CORO1C: variants seen among roughly 807,000 people sequenced by gnomAD.
CORO1C encodes coronin 1C, also known as coronin-1C.
CORO1C carries 14 observed loss-of-function variants against 51.2 expected under a neutral mutation model. That is an observed-to-expected ratio of 0.27 (90% CI 0.18 to 0.43). CORO1C has a LOEUF of 0.43. Among genes scored for constraint, CORO1C ranks in the 20% least tolerant of loss-of-function variants. The pLI is 1.00. For missense variants in CORO1C, 417 were observed against 607.8 expected, an observed-to-expected ratio of 0.69 and a Z score of 3.30; for synonymous variants, 181 against 210.5, an observed-to-expected ratio of 0.86 and a Z score of 1.21.
chr12:108,652,150 T>C, intron 8 of CORO1C, 122 bp downstream of exon 8: 1 of 779,018 alleles, frequency 1.3e-6, no homozygotes, highest in Non-Finnish European at 2.0e-6. Flanking sequence ...TGTACAATTC[T>C]ACTACTTTCT....
chr12:108,717,553 A>G (rs575427083), intron 1 of CORO1C, among the ~76,000 whole-genome samples: 1 of 152,346 alleles, frequency 6.6e-6, no homozygotes, highest in South Asian at 2.1e-4. Context: ...TCACAGTCCC[A>G]GTAGAAACAG....
intron 3 of CORO1C, among the ~76,000 whole-genome samples, chr12:108,667,754 A>G (rs2033541771): frequency 6.6e-6 from 1 of 152,150 alleles, no homozygotes; most frequent in African/African-American, 2.4e-5. Context: ...AAGTGAATCC[A>G]TCAGTAAAAT....
chr12:108,668,476 T>C (rs2033581735), intron 3 of CORO1C: 1 of 152,230 alleles, frequency 6.6e-6, no homozygotes, highest in Admixed American at 6.5e-5. Flanking sequence ...AAAAATTGTC[T>C]AGCAGGTTTT....
chr12:108,671,973 G>C (rs748795834), intron 3 of CORO1C, among the ~76,000 whole-genome samples: 2 of 152,130 alleles, frequency 1.3e-5, no homozygotes, highest in Non-Finnish European at 2.9e-5. Flanking sequence ...ATGTTGCCCA[G>C]GCTGGTCTTG....
intron 1 of CORO1C, among the ~76,000 whole-genome samples, chr12:108,714,375 G>A (rs1326812641): frequency 7.5e-6 from 1 of 132,558 alleles, no homozygotes; most frequent in East Asian, 2.5e-4. Context: ...CTGCAGCCTG[G>A]CAACAGAGCG....
intron 3 of CORO1C, among the ~76,000 whole-genome samples, chr12:108,676,666 G>C (rs968939887): frequency 6.6e-6 from 1 of 151,922 alleles, no homozygotes; most frequent in African/African-American, 2.4e-5. Flanking sequence ...CAGCTACTCG[G>C]GAGGCTGAGG....
At chr12:108,701,514 G>A in intron 1 of CORO1C, 191 bp from the exon 2 acceptor site, 1 of 728,662 alleles carries the variant, frequency 1.4e-6, no homozygotes, top group Non-Finnish European at 2.2e-6. Context: ...AAATGCGTCA[G>A]GGAAAGAATT....
chr12:108,662,135 T>C lies in CORO1C; in HGVS notation c.342A>G (p.Gly114=). 6.2e-7 allele frequency: 1 copy of C among 1,613,718 alleles called. No homozygotes were observed. Among genetic ancestry groups the C allele is most frequent in the Non-Finnish European group, 8.5e-7 (1 of 1,179,730 alleles). Residue 114 remains glycine, a synonymous_variant, in exon 4 of 11, where the codon GGA becomes GGG. Coordinates refer to ENST00000261401, the MANE Select transcript of CORO1C (RefSeq NM_014325.4). ...TVMVWQIPEN[G]LTLSLTEPVV... is the part of the protein sequence containing the mutation. ...CAGGTTCAGTCAGGGAAAGGGTGAG[T>C]CCATTTTCTGGGATCTGCCATACCT...
intron 3 of CORO1C, among the ~76,000 whole-genome samples, chr12:108,665,686 G>A (rs1255168629): frequency 6.6e-6 from 1 of 152,190 alleles, no homozygotes; most frequent in Non-Finnish European, 1.5e-5. Flanking sequence ...CCTGCGAGGT[G>A]TGCTAAGAGA....
Position 108,647,328 on chromosome 12 carries a change from A to G in CORO1C, c.*75T>C. 9 of 1,504,592 alleles carry G rather than the reference A, an allele frequency of 6.0e-6. No individual in the cohort carries two copies. Among genetic ancestry groups the G allele is most frequent in the Non-Finnish European group, 6.4e-6 (7 of 1,102,000 alleles). The allele number at this position is 1,504,592 out of a possible 1,614,324, so 93.2% of individuals were successfully genotyped here. A position where few individuals can be genotyped will look rare whatever the true frequency, so the allele number is the denominator to read the frequency against. On this transcript the variant is annotated 3_prime_UTR_variant, in exon 11 of 11. Coordinates refer to ENST00000261401, the MANE Select transcript of CORO1C (RefSeq NM_014325.4). The stretch of plus-strand genomic sequence containing the variant: ...CAGTGCCTCCCTTTCCGCCCTCCCT[A>G]GGACCACACCAATAACCAGCTCCCA...
Position 108,662,148 on chromosome 12 carries a change from A to T in CORO1C, c.329T>A (p.Ile110Asn). ...SEDCTVMVWQ[I>N]PENGLTLSLT... ...GGAAAGGGTGAGTCCATTTTCTGGG[A>T]TCTGCCATACCTGTTGGACAAGGAA... Residue 110 changes from isoleucine to asparagine, a missense_variant, in exon 4 of 11, where the codon ATC (isoleucine) becomes AAC (asparagine). Transcript: ENST00000261401. The T allele has an allele frequency of 6.2e-7, 1 of 1,613,802 alleles. No individual in the cohort carries two copies.
At chr12:108,676,840 T>C (rs2033926035) in intron 3 of CORO1C, among the ~76,000 whole-genome samples, 1 of 151,618 alleles carries the variant, frequency 6.6e-6, no homozygotes, top group African/African-American at 2.4e-5. Context: ...AATGCGTCCA[T>C]AGCCATTAAA....
intron 1 of CORO1C, among the ~76,000 whole-genome samples, chr12:108,725,579 T>A (rs11613321): frequency 0.054 from 8,224 of 152,244 alleles, 625 homozygotes; most frequent in East Asian, 0.25. Context: ...CCTAAAGGCC[T>A]GCACCCTCAC....
At chr12:108,648,536 G>A (rs1191089844) in intron 10 of CORO1C, 69 bp downstream of exon 10, 16 of 1,599,960 alleles carry the variant, frequency 1.0e-5, no homozygotes, top group Non-Finnish European at 1.4e-5. Flanking sequence ...CGACGCCCTG[G>A]ACCACAAGGG....
chr12:108,695,850 C>CAAAAAAAA (rs2034656896), intron 2 of CORO1C, among the ~76,000 whole-genome samples: 1 of 40,166 alleles, frequency 2.5e-5, no homozygotes, highest in African/African-American at 1.2e-4. Flanking sequence ...CTTGGGAGAA[C>CAAAAAAAA]TAAAAAAAAA....
chr12:108,647,333 C>G lies in CORO1C; in HGVS notation c.*70G>C, dbSNP rs182548158. 5 of 1,535,530 alleles carry G rather than the reference C, an allele frequency of 3.3e-6. No individual in the cohort carries two copies. In the African/African-American group the frequency reaches 6.9e-5, roughly 21 times the overall value. Reference sequence around the variant, plus strand: ...CCTCCCTTTCCGCCCTCCCTAGGACCACACCAATAACCAGCTCCCAAGCAC... The same window carrying G: ...CCTCCCTTTCCGCCCTCCCTAGGACGACACCAATAACCAGCTCCCAAGCAC... On this transcript the variant is annotated 3_prime_UTR_variant, in exon 11 of 11. Coordinates refer to ENST00000261401, the MANE Select transcript of CORO1C (RefSeq NM_014325.4).
In CORO1C at chr12:108,661,895, A is replaced by G. The variant is rs553742376; in HGVS notation, c.448+134T>C. 138 of 967,760 alleles carry G rather than the reference A, an allele frequency of 1.4e-4. 1 individual carries two copies. In the South Asian group the frequency reaches 1.9e-3, roughly 13 times the overall value. The allele number at this position is 967,760 out of a possible 1,614,324, so 59.9% of individuals were successfully genotyped here. ...TGGGCTGGGGGAGCAGTGCACCCCA[A>G]TACTCTTCACCATGGTTTCCTAATA... is the stretch of plus-strand genomic sequence containing the variant. On this transcript the variant is annotated intron_variant, in intron 4 of 10. Coordinates refer to ENST00000261401, the MANE Select transcript of CORO1C (RefSeq NM_014325.4).
At chr12:108,672,088 A>G (rs1346105478) in intron 3 of CORO1C, among the ~76,000 whole-genome samples, 1 of 152,182 alleles carries the variant, frequency 6.6e-6, no homozygotes, top group Non-Finnish European at 1.5e-5. Context: ...AGAGAAACTC[A>G]CTTTCAAGTA....
chr12:108,721,853 A>T, intron 1 of CORO1C, among the ~76,000 whole-genome samples: 1 of 152,212 alleles, frequency 6.6e-6, no homozygotes, highest in East Asian at 1.9e-4. Context: ...TCCAAAGGTC[A>T]CAGAAACCAA....
Sources: allele counts gnomAD v4.1 joint callset (sites outside exome capture counted in the v4.1 genomes callset), GRCh38; gene constraint gnomAD v4.1.1; transcripts MANE v1.5; gene names NCBI Gene and HGNC (gene_info 2026-07-23, HGNC 2026-07-21).